The following AHRR variants were observed in gnomAD, a reference collection of about 807,000 sequenced individuals.
The protein encoded by AHRR is ahR repressor.
Under a neutral mutation model 44.0 loss-of-function variants are expected in AHRR, and 28 were observed. The observed-to-expected ratio is 0.64, with a 90% CI of 0.47 to 0.87. AHRR has a LOEUF of 0.87. Ranked by LOEUF, AHRR falls within the 40% of genes least tolerant of loss-of-function variation. AHRR has a pLI of 0.00. For missense variants in AHRR, 990 were observed against 953.9 expected, an observed-to-expected ratio of 1.04 and a Z score of -0.50; for synonymous variants, 434 against 407.0, an observed-to-expected ratio of 1.07 and a Z score of -0.80.
chr5:402,041 C>T (rs1224053420), intron 4 of AHRR, among the ~76,000 whole-genome samples: 1 of 152,172 alleles, frequency 6.6e-6, no homozygotes, highest in Non-Finnish European at 1.5e-5. Context: ...GACGCATTTG[C>T]CAACCATACA....
chr5:412,064 T>A (rs1487463611), intron 4 of AHRR, among the ~76,000 whole-genome samples: 1 of 152,146 alleles, frequency 6.6e-6, no homozygotes, highest in Non-Finnish European at 1.5e-5. Flanking sequence ...GCTGCTCAAA[T>A]AAAGGAAAAC....
intron 4 of AHRR, among the ~76,000 whole-genome samples, chr5:399,400 G>T (rs1734913601): frequency 1.3e-5 from 2 of 152,246 alleles, no homozygotes; most frequent in Non-Finnish European, 2.9e-5. Context: ...TTTGCACTCA[G>T]AAAGCGGGTC....
chr5:327,239 TG>T (rs1741743161), intron 1 of AHRR, among the ~76,000 whole-genome samples: 1 of 152,270 alleles, frequency 6.6e-6, no homozygotes, highest in Admixed American at 6.5e-5. Flanking sequence ...TTTTTTAAAT[TG>T]TACACATTTA....
chr5:422,371 A>C (rs1211749105), intron 5 of AHRR: 1 of 347,466 alleles, frequency 2.9e-6, no homozygotes, highest in African/African-American at 2.2e-5. Context: ...TAAGATGTGA[A>C]GTGATGGGAA....
In AHRR at chr5:338,784, G is replaced by A. The variant is rs1742228368; in HGVS notation, c.-10-5109G>A. On this transcript the variant is annotated intron_variant, in intron 1 of 10. Coordinates refer to ENST00000684583, the MANE Select transcript of AHRR (RefSeq NM_001377236.1). The surrounding 1 kb of genome is among the most constrained non-coding windows in gnomAD (Gnocchi z 4.1). ...CTGTTTCTTGTGCTTGGAGCTCACT[G>A]AGCTTCTTGGGTCTGTAGGTTTACA... Among the ~76,000 whole-genome samples, 1 of 152,190 alleles carries A rather than the reference G, an allele frequency of 6.6e-6. No individual in the cohort carries two copies. The highest frequency in any genetic ancestry group is 2.4e-5 in the African/African-American group (1 of 41,432).
At chr5:340,056 C>T (rs963431820) in intron 1 of AHRR, among the ~76,000 whole-genome samples, 5 of 152,084 alleles carry the variant, frequency 3.3e-5, no homozygotes, top group South Asian at 2.1e-4. Context: ...ATGCTGAATT[C>T]GTAAATAAGT....
At chr5:372,458 G>A (rs1743611751) in intron 3 of AHRR, among the ~76,000 whole-genome samples, 1 of 152,228 alleles carries the variant, frequency 6.6e-6, no homozygotes, top group Non-Finnish European at 1.5e-5. Flanking sequence ...TGCTCGCTTT[G>A]CCTGTTCTGC....
At chr5:368,782 C>T (rs565848348) in intron 3 of AHRR, among the ~76,000 whole-genome samples, 3 of 152,326 alleles carry the variant, frequency 2.0e-5, no homozygotes, top group East Asian at 1.9e-4. Context: ...ACCAGAGAAA[C>T]GCGTGGGCAC....
intron 4 of AHRR, among the ~76,000 whole-genome samples, chr5:391,308 T>G (rs562668816): frequency 0.039 from 4,945 of 127,058 alleles, 205 homozygotes; most frequent in Non-Finnish European, 0.052. Flanking sequence ...ATTAGGAAGG[T>G]GGGCCAGAGC....
chr5:432,640 C>A lies in AHRR; in HGVS notation c.970+116C>A, dbSNP rs1273247902. ...CGTATTCCATGGAAAAGCCATTTTGCAGAGACTTGGTGTCTGTCCTGCTGT... is the reference window on the plus strand; with the variant it reads ...CGTATTCCATGGAAAAGCCATTTTGAAGAGACTTGGTGTCTGTCCTGCTGT... On this transcript the variant is annotated intron_variant, in intron 9 of 10. Transcript: ENST00000684583. 2.7e-6 allele frequency: 4 copies of A among 1,509,154 alleles called. No individual in the cohort carries two copies. In the African/African-American group the frequency reaches 5.5e-5, roughly 21 times the overall value. 93.5% of individuals were successfully genotyped at this position (1,509,154 alleles called of 1,614,324 possible).
chr5:330,491 A>T (rs952295886), intron 1 of AHRR, among the ~76,000 whole-genome samples: 8 of 152,110 alleles, frequency 5.3e-5, no homozygotes, highest in African/African-American at 1.9e-4. Context: ...CTCATGCCTC[A>T]GCCTCCCGAG....
intron 3 of AHRR, among the ~76,000 whole-genome samples, chr5:368,280 G>A (rs554001695): frequency 1.1e-4 from 16 of 152,268 alleles, no homozygotes; most frequent in African/African-American, 3.6e-4. Context: ...GGCGTGCACC[G>A]CGCACTGTAT....
chr5:380,782 C>T (rs149092995), intron 4 of AHRR, among the ~76,000 whole-genome samples: 2,550 of 152,058 alleles, frequency 0.017, 37 homozygotes, highest in Middle Eastern at 0.054. Flanking sequence ...GATACAAAAC[C>T]AATAGGTTAT....
chr5:331,589 A>G (rs1208815752), intron 1 of AHRR, among the ~76,000 whole-genome samples: 1 of 152,150 alleles, frequency 6.6e-6, no homozygotes, highest in Admixed American at 6.5e-5. Flanking sequence ...TTTTTGATAT[A>G]GACATTTAAT....
intron 4 of AHRR, among the ~76,000 whole-genome samples, chr5:408,403 T>A (rs1735354078): frequency 6.6e-6 from 1 of 151,794 alleles, no homozygotes; most frequent in Admixed American, 6.6e-5. Flanking sequence ...TCAGGAATAA[T>A]TGTTGAATTT....
intron 4 of AHRR, among the ~76,000 whole-genome samples, chr5:380,977 C>A (rs1338307942): frequency 6.6e-6 from 1 of 152,216 alleles, no homozygotes; most frequent in Non-Finnish European, 1.5e-5. Context: ...GCCTGAGAGC[C>A]CCCAGGAGGC....
intron 4 of AHRR, among the ~76,000 whole-genome samples, chr5:398,537 A>G (rs1005950506): frequency 1.3e-5 from 2 of 152,216 alleles, no homozygotes; most frequent in Admixed American, 1.3e-4. Context: ...CCCTCGGCTC[A>G]GCTGGGCTTG....
intron 1 of AHRR, among the ~76,000 whole-genome samples, chr5:328,930 C>T (rs550834842): frequency 6.6e-6 from 1 of 152,220 alleles, no homozygotes; most frequent in African/African-American, 2.4e-5. Flanking sequence ...AATTTGAAAT[C>T]ATGTAGTGAT....
intron 5 of AHRR, among the ~76,000 whole-genome samples, chr5:420,512 A>T (rs1466951108): frequency 6.6e-6 from 1 of 152,226 alleles, no homozygotes; most frequent in Non-Finnish European, 1.5e-5. Flanking sequence ...TCCCTGCAGG[A>T]GGAAGCCAGT....
Sources: gnomAD v4.1 joint callset for allele counts (sites outside exome capture counted in the v4.1 genomes callset) on GRCh38, gnomAD v4.1.1 for gene constraint, Gnocchi (gnomAD v3.1) non-coding constraint, MANE v1.5 for transcripts, NCBI Gene and HGNC (gene_info 2026-07-23, HGNC 2026-07-21) for gene names.